Variants in PDE1C observed in about 807,000 individuals in gnomAD.
PDE1C encodes the protein phosphodiesterase 1C, also known as dual specificity calcium/calmodulin-dependent 3',5'-cyclic nucleotide phosphodiesterase 1C.
In PDE1C, 62 loss-of-function variants were observed where a neutral mutation model predicts 93.1. The observed-to-expected ratio is 0.67, with a 90% CI of 0.54 to 0.82. The LOEUF (loss-of-function observed/expected upper bound fraction) is 0.82, where lower values mean the gene tolerates loss of function less well. Ranked by LOEUF, PDE1C falls within the 40% of genes least tolerant of loss-of-function variation. PDE1C has a pLI of 0.00. For synonymous variants in PDE1C, 325 were observed against 310.1 expected (o/e 1.05, Z -0.50); for missense variants, 742 against 884.6 (o/e 0.84, Z 2.04).
the PDE1C span, among the ~76,000 whole-genome samples, chr7:31,738,191 A>T: frequency 2.6e-5 from 4 of 152,180 alleles, no homozygotes; most frequent in Non-Finnish European, 5.9e-5. Flanking sequence ...TAAAGAGAGG[A>T]TACATGAGCC....
chr7:31,689,892 C>T, the PDE1C span, among the ~76,000 whole-genome samples: 1 of 152,138 alleles, frequency 6.6e-6, no homozygotes, highest in Non-Finnish European at 1.5e-5. Context: ...TCTCTCAGCC[C>T]CTTAGCAAAC....
intron 3 of PDE1C, among the ~76,000 whole-genome samples, chr7:32,076,461 CA>C (rs1402476251): frequency 6.6e-6 from 1 of 151,632 alleles, no homozygotes. Context: ...GCCAAGATGG[CA>C]AAACCCCATC....
chr7:32,182,340 C>A (rs1016509541), intron 2 of PDE1C, among the ~76,000 whole-genome samples: 1 of 152,140 alleles, frequency 6.6e-6, no homozygotes, highest in African/African-American at 2.4e-5. Context: ...GGCAGAGACA[C>A]AACAAACAAA....
At chr7:32,038,973 G>A (rs1417302763) in intron 2 of PDE1C, among the ~76,000 whole-genome samples, 1 of 152,160 alleles carries the variant, frequency 6.6e-6, no homozygotes, top group Non-Finnish European at 1.5e-5. Context: ...GGAAAGAAAA[G>A]CAGATGTAAA....
At chr7:31,686,565 C>G in the PDE1C span, 2 of 152,098 alleles carry the variant, frequency 1.3e-5, no homozygotes, top group South Asian at 2.1e-4. Flanking sequence ...AAGCGTGGAC[C>G]CTAGCATTTC....
At chr7:32,277,657 G>T (rs929089529) in intron 1 of PDE1C, among the ~76,000 whole-genome samples, 2 of 152,152 alleles carry the variant, frequency 1.3e-5, no homozygotes, top group Non-Finnish European at 2.9e-5. Context: ...GAGGTCACCA[G>T]ACAAAAGGAA....
chr7:31,762,401 C>T (rs1220389580), intron 17 of PDE1C, among the ~76,000 whole-genome samples: 4 of 152,026 alleles, frequency 2.6e-5, no homozygotes, highest in African/African-American at 4.8e-5. Flanking sequence ...AGTGCAGTGG[C>T]GCCATCCCGG....
chr7:31,884,409 T>C (rs932308808), intron 2 of PDE1C, among the ~76,000 whole-genome samples: 2 of 151,788 alleles, frequency 1.3e-5, no homozygotes, highest in African/African-American at 4.8e-5. Flanking sequence ...ATCAACACAA[T>C]AAGAAGTTTC....
Position 31,865,077 on chromosome 7 carries a change from G to A in PDE1C, c.615C>T (p.Pro205=), listed in dbSNP as rs564996936. ...CCACAAATGAGACAAGTGCAGAAAT[G>A]GGGATCTGAAAGAGAGCAGTAAGGT... ...RYDLISRFKI[P]ISALVSFVEA... Residue 205 remains proline, a synonymous_variant, in exon 7 of 18, where the codon CCC becomes CCT. Transcript: ENST00000396191. 3.1e-6 allele frequency: 5 copies of A among 1,614,034 alleles called. 1 individual carries two copies. Among genetic ancestry groups the A allele is most frequent in the East Asian group, 2.2e-5 (1 of 44,838 alleles).
intron 3 of PDE1C, among the ~76,000 whole-genome samples, chr7:32,112,549 T>G (rs1358607829): frequency 6.6e-6 from 1 of 151,568 alleles, no homozygotes; most frequent in Admixed American, 6.6e-5. Flanking sequence ...ATGGCAACAT[T>G]GAGCTCAAGC....
intron 17 of PDE1C, among the ~76,000 whole-genome samples, chr7:31,772,761 G>A (rs909316186): frequency 1.3e-5 from 2 of 152,160 alleles, no homozygotes; most frequent in Non-Finnish European, 2.9e-5. Flanking sequence ...AGGTGGTGTT[G>A]AAGAAATATA....
chr7:31,927,440 G>T (rs1414055921), intron 2 of PDE1C, among the ~76,000 whole-genome samples: 1 of 152,180 alleles, frequency 6.6e-6, no homozygotes, highest in African/African-American at 2.4e-5. Flanking sequence ...CAGCCCTAGA[G>T]CTCTGCTAAG....
At chr7:31,821,458 A>C (rs1027394606) in intron 14 of PDE1C, among the ~76,000 whole-genome samples, 4 of 152,174 alleles carry the variant, frequency 2.6e-5, no homozygotes, top group African/African-American at 9.6e-5. Flanking sequence ...TGTTGTCAGA[A>C]ATTGAATTTT....
At chr7:32,315,859 G>A (rs771276870) in intron 1 of PDE1C, among the ~76,000 whole-genome samples, 2 of 152,166 alleles carry the variant, frequency 1.3e-5, no homozygotes, top group Non-Finnish European at 2.9e-5. Context: ...GCCGGGCATG[G>A]TGGTGCATAT....
chr7:31,661,143 A>T, the PDE1C span, among the ~76,000 whole-genome samples: 2 of 152,130 alleles, frequency 1.3e-5, no homozygotes, highest in African/African-American at 2.4e-5. Flanking sequence ...ATAAGTCTAT[A>T]TCAGTCAGTT....
At position 31,797,311 on chromosome 7, in the gene PDE1C, T is replaced by C. The variant is rs1006780062; in HGVS notation, c.1891+11720A>G. On this transcript the variant is annotated intron_variant, in intron 16 of 17. Coordinates refer to ENST00000396191, the MANE Select transcript of PDE1C (RefSeq NM_001191057.4). ...GAAAGCAATTCCTTCATTAAAGAAA[T>C]GTCTACTTTTTGTCACTACATAGAA... Among the ~76,000 whole-genome samples, 141 of 151,864 alleles carry C rather than the reference T, an allele frequency of 9.3e-4. 1 individual carries two copies. The highest frequency in any genetic ancestry group is 3.3e-3 in the African/African-American group (137 of 41,496).
At chr7:31,638,455 G>T in the PDE1C span, among the ~76,000 whole-genome samples, 1 of 152,092 alleles carries the variant, frequency 6.6e-6, no homozygotes, top group East Asian at 1.9e-4. Flanking sequence ...ATAATAACAG[G>T]TGTTTATGTT....
chr7:32,128,714 C>A (rs757780462), intron 3 of PDE1C, among the ~76,000 whole-genome samples: 10 of 150,830 alleles, frequency 6.6e-5, no homozygotes, highest in Non-Finnish European at 1.0e-4. Flanking sequence ...CTTTGGGGGA[C>A]AATTTATCAA....
chr7:31,820,846 C>T (rs747923817), intron 14 of PDE1C: 2 of 152,118 alleles, frequency 1.3e-5, no homozygotes, highest in Non-Finnish European at 2.9e-5. Context: ...AATTTGCATA[C>T]ATAACAGCTA....
Sources: allele counts gnomAD v4.1 joint callset (sites outside exome capture counted in the v4.1 genomes callset), GRCh38; gene constraint gnomAD v4.1.1; transcripts MANE v1.5; gene names NCBI Gene and HGNC (gene_info 2026-07-23, HGNC 2026-07-21).